ABCA1: variants seen among roughly 807,000 people sequenced by gnomAD.
ABCA1 encodes phospholipid-transporting ATPase ABCA1.
A neutral mutation model predicts 262.5 loss-of-function variants in ABCA1; 133 were observed. The ratio of observed to expected loss-of-function variants is 0.51; its 90% CI spans 0.44 to 0.59. The LOEUF (loss-of-function observed/expected upper bound fraction) is 0.59. Among genes scored for constraint, ABCA1 ranks in the 20% least tolerant of loss-of-function variants. ABCA1 has a pLI of 0.00. For missense variants in ABCA1, 2,452 were observed against 2,777.5 expected, an observed-to-expected ratio of 0.88 and a Z score of 2.63; for synonymous variants, 1,022 against 1,043.5, an observed-to-expected ratio of 0.98 and a Z score of 0.40.
chr9:104,818,763 T>C lies in ABCA1; in HGVS notation c.3362A>G (p.Gln1121Arg). 6.2e-7 allele frequency: 1 copy of C among 1,614,024 alleles called. No homozygotes were observed. The highest frequency in any genetic ancestry group is 8.5e-7 in the Non-Finnish European group (1 of 1,180,044). ...GGTCAGGTAGTAGCCTGTTCCCAGC[T>C]GGTTCTTCAGAAACAGGGAGGAGCC... ...CVGSSLFLKN[Q>R]LGTGYYLTLV... is the part of the protein sequence containing the mutation. Residue 1121 changes from glutamine (Q) to arginine (R), a missense_variant, in exon 23 of 50, where the codon CAG (glutamine) becomes CGG (arginine). Coordinates refer to ENST00000374736, the MANE Select transcript of ABCA1 (RefSeq NM_005502.4).
intron 2 of ABCA1, 42 bp downstream of exon 2, chr9:104,903,572 A>G (rs1240886996): frequency 1.3e-6 from 2 of 1,555,260 alleles, no homozygotes; most frequent in Admixed American, 1.9e-5. Context: ...ACCACAAAGA[A>G]AAAATGAGAG....
intron 7 of ABCA1, among the ~76,000 whole-genome samples, chr9:104,857,683 G>A (rs1275013082): frequency 2.6e-5 from 4 of 152,034 alleles, no homozygotes; most frequent in African/African-American, 9.7e-5. Context: ...AATTCGTGCT[G>A]CACAAAATCC....
At position 104,787,940 on chromosome 9, in the gene ABCA1, C is replaced by T. The variant is rs752051518; in HGVS notation, c.6184G>A (p.Gly2062Arg). Residue 2062 changes from glycine to arginine, a missense_variant, in exon 46 of 50, where the codon GGG (glycine) becomes AGG (arginine). By Grantham distance (125) the Gly-to-Arg change is moderately radical. This residue lies in a region of ABCA1 where 752 missense variants were observed against 944.5 expected (regional missense o/e 0.80). Coordinates refer to ENST00000374736, the MANE Select transcript of ABCA1 (RefSeq NM_005502.4). ...KLSTAMALIG[G>R]PPVVFLDEPT... ...CTCACCAGAAACACCACAGGAGGCCCGCCGATCAAAGCCATGGCTGTAGAG... is the reference window on the plus strand; with the variant it reads ...CTCACCAGAAACACCACAGGAGGCCTGCCGATCAAAGCCATGGCTGTAGAG... 48 of 1,613,964 alleles carry T rather than the reference C, an allele frequency of 3.0e-5. No individual in the cohort carries two copies. The highest frequency in any genetic ancestry group is 3.7e-5 in the Non-Finnish European group (44 of 1,179,988).
Position 104,796,178 on chromosome 9 carries a change from TGA to T in ABCA1, c.5255_5256del (p.Leu1752HisfsTer28). ...TTGAACACAAAGGAGGCTGGGTACA[TGA>T]GAGGTGTGATTGACCACCTGTTGAG... ...LLLYGWSITP[L>X]MYPASFVFKI... On this transcript the variant is annotated frameshift_variant, in exon 39 of 50. Transcript: ENST00000374736. LOFTEE classifies it high-confidence loss of function. The T allele has an allele frequency of 2.5e-6, 4 of 1,614,084 alleles. No homozygotes were observed. Among genetic ancestry groups the T allele is most frequent in the Non-Finnish European group, 2.5e-6 (3 of 1,179,980 alleles).
chr9:104,813,657 C>G (rs1481190004), intron 27 of ABCA1, among the ~76,000 whole-genome samples: 1 of 152,214 alleles, frequency 6.6e-6, no homozygotes, highest in Non-Finnish European at 1.5e-5. Flanking sequence ...AGGTGATCTA[C>G]CCACCTCAGC....
At chr9:104,839,151 C>T (rs1312319766) in intron 9 of ABCA1, among the ~76,000 whole-genome samples, 1 of 152,184 alleles carries the variant, frequency 6.6e-6, no homozygotes, top group Admixed American at 6.5e-5. Flanking sequence ...ATCCCTGCTG[C>T]CACGAGGCAT....
intron 1 of ABCA1, among the ~76,000 whole-genome samples, chr9:104,914,477 A>G (rs2575874): frequency 0.81 from 122,118 of 150,344 alleles, 49,645 homozygotes; most frequent in Middle Eastern, 0.84. Context: ...TCCAGCCTGG[A>G]CAACAAGAGT....
rs1828538763 is a variant in ABCA1 at position 104,781,414 on chromosome 9, A to C, written c.*2901T>G. 1 of 149,346 alleles carries C rather than the reference A, an allele frequency of 6.7e-6. No homozygotes were observed. The highest frequency in any genetic ancestry group is 2.1e-4 in the South Asian group (1 of 4,810). The allele number at this position is 149,346 out of a possible 1,614,324, so 9.3% of individuals were successfully genotyped here. Reference sequence around the variant, plus strand: ...AGTATTACATTATTACTAGTAGATAATAACAAGGGTACAAATTAATGTCTC... The same window carrying C: ...AGTATTACATTATTACTAGTAGATACTAACAAGGGTACAAATTAATGTCTC... On this transcript the variant is annotated 3_prime_UTR_variant, in exon 50 of 50. Transcript: ENST00000374736.
intron 43 of ABCA1, among the ~76,000 whole-genome samples, chr9:104,791,463 C>A (rs760091256): frequency 6.6e-6 from 1 of 152,028 alleles, no homozygotes; most frequent in Non-Finnish European, 1.5e-5. Flanking sequence ...TGACATGAGT[C>A]TCACTCTGTC....
In ABCA1 at chr9:104,858,601, A is replaced by T. The variant is rs1321724982; in HGVS notation, c.641T>A (p.Leu214His). Residue 214 changes from leucine to histidine, a missense_variant, in exon 7 of 50, where the codon CTT becomes CAT. This residue lies in a region of ABCA1 where 1,032 missense variants were observed against 1,089.7 expected (regional missense o/e 0.95). Coordinates refer to ENST00000374736, the MANE Select transcript of ABCA1 (RefSeq NM_005502.4). The stretch of plus-strand genomic sequence containing the variant: ...CAGTTTCTCCCTTGGTAGGCCACAA[A>T]GCTCAGAAACTTCTTGGTCACCAAG... The part of the protein sequence containing the change: ...IQLGDQEVSE[L>H]CGLPREKLAA... 6.2e-7 allele frequency: 1 copy of T among 1,614,194 alleles called. No individual in the cohort carries two copies. Among genetic ancestry groups the T allele is most frequent in the African/African-American group, 1.3e-5 (1 of 75,044 alleles).
chr9:104,810,675 G>C (rs1831200078), intron 29 of ABCA1, 125 bp downstream of exon 29: 1 of 1,456,732 alleles, frequency 6.9e-7, no homozygotes, highest in Non-Finnish European at 9.6e-7. Flanking sequence ...CTTATACAGG[G>C]ACCTGAGCCG....
rs375977722 is a variant in ABCA1, at chr9:104,812,555, C to A, written c.4050+19G>T. On this transcript the variant is annotated intron_variant, in intron 28 of 49. Transcript: ENST00000374736. ...CCACCCATGAAGCCAGAGTCTCTGGCGAAAACAGCACGTCTCACCTGAGCA... is the reference window on the plus strand; with the variant it reads ...CCACCCATGAAGCCAGAGTCTCTGGAGAAAACAGCACGTCTCACCTGAGCA... 10 of 1,613,864 alleles carry A rather than the reference C, an allele frequency of 6.2e-6. No homozygotes were observed. Among genetic ancestry groups the A allele is most frequent in the Middle Eastern group, 1.6e-4 (1 of 6,064 alleles).
intron 1 of ABCA1, among the ~76,000 whole-genome samples, chr9:104,914,081 G>C (rs1841683931): frequency 6.6e-6 from 1 of 151,876 alleles, no homozygotes; most frequent in African/African-American, 2.4e-5. Context: ...TTACAGGCGT[G>C]AGCCACCGCA....
chr9:104,829,691 G>A (rs1482184222), intron 14 of ABCA1, among the ~76,000 whole-genome samples: 2 of 152,060 alleles, frequency 1.3e-5, no homozygotes, highest in African/African-American at 2.4e-5. Context: ...CATGACAACA[G>A]GCACCAGCTC....
chr9:104,801,510 G>A (rs776576201), intron 34 of ABCA1, among the ~76,000 whole-genome samples: 58 of 150,790 alleles, frequency 3.8e-4, no homozygotes, highest in Non-Finnish European at 1.5e-4. Flanking sequence ...GTAAGCCACC[G>A]CGCCCAGCCT....
rs1461869692 is a variant in ABCA1 at position 104,814,355 on chromosome 9, C to T, written c.3787+72G>A. ...ATAGAACAATTCAAAGGGAAAGGAACAATACTCGTGCACTGAGAAAGCCAG... is the reference window on the plus strand; with the variant it reads ...ATAGAACAATTCAAAGGGAAAGGAATAATACTCGTGCACTGAGAAAGCCAG... On this transcript the variant is annotated intron_variant, in intron 26 of 49. Coordinates refer to ENST00000374736, the MANE Select transcript of ABCA1 (RefSeq NM_005502.4). The T allele has an allele frequency of 1.9e-6, 3 of 1,576,524 alleles. No individual in the cohort carries two copies. In the African/African-American group the frequency reaches 4.0e-5, roughly 21 times the overall value.
In ABCA1 at chr9:104,824,485, T is replaced by A. The variant is rs780731944; in HGVS notation, c.2636A>T (p.Asn879Ile). ...ESDEKSHPGS[N>I]QKRISEICME... ...CTTACTTTCTGATATTCTCTTCTGG[T>A]TGGAACCAGGGTGGCTCTTCTCATC... The change falls in exon 18 of 50, where the codon AAC becomes ATC. Residue 879 changes from asparagine (N) to isoleucine (I), a missense_variant. Transcript: ENST00000374736. 6.2e-7 allele frequency: 1 copy of A among 1,614,036 alleles called. No homozygotes were observed. Among genetic ancestry groups the A allele is most frequent in the African/African-American group, 1.3e-5 (1 of 74,910 alleles).
chr9:104,783,544 G>C lies in ABCA1; in HGVS notation c.*771C>G, dbSNP rs1588179584. On this transcript the variant is annotated 3_prime_UTR_variant, in exon 50 of 50. Transcript: ENST00000374736. ...TACCAGGATCTAAGTATATTTAAGA[G>C]TCTCATAAGGATGACCCTGTAGACC... 1 of 152,166 alleles carries C rather than the reference G, an allele frequency of 6.6e-6. No individual in the cohort carries two copies. The highest frequency in any genetic ancestry group is 1.5e-5 in the Non-Finnish European group (1 of 68,058). 9.4% of individuals were successfully genotyped at this position (152,166 alleles called of 1,614,324 possible).
chr9:104,784,569 C>T lies in ABCA1; in HGVS notation c.6646-114G>A, dbSNP rs548552365. 5.8e-5 allele frequency: 72 copies of T among 1,242,418 alleles called. No individual in the cohort carries two copies. In the South Asian group the frequency reaches 8.6e-4, roughly 15 times the overall value. 77.0% of individuals were successfully genotyped at this position (1,242,418 alleles called of 1,614,324 possible). On this transcript the variant is annotated intron_variant, in intron 49 of 49. Coordinates refer to ENST00000374736, the MANE Select transcript of ABCA1 (RefSeq NM_005502.4). ...GGTCAAGTAGGAGCATACAGAATTACATAAATGGATTAACTAGAAAACTGT... is the reference window on the plus strand; with the variant it reads ...GGTCAAGTAGGAGCATACAGAATTATATAAATGGATTAACTAGAAAACTGT...
Sources: allele counts gnomAD v4.1 joint callset (sites outside exome capture counted in the v4.1 genomes callset), GRCh38; gene constraint gnomAD v4.1.1; regional missense constraint gnomAD v4.1.1; transcripts MANE v1.5; gene names NCBI Gene and HGNC (gene_info 2026-07-23, HGNC 2026-07-21).